The following FBXW11 variants were observed in gnomAD, a reference collection of about 807,000 sequenced individuals.
The protein encoded by FBXW11 is F-box/WD repeat-containing protein 11.
A neutral mutation model predicts 77.6 loss-of-function variants in FBXW11; 19 were observed. The observed-to-expected ratio is 0.24, with a 90% CI of 0.17 to 0.36. FBXW11 has a LOEUF of 0.36. Ranked by LOEUF, FBXW11 falls within the 10% of genes least tolerant of loss-of-function variation. The probability of loss-of-function intolerance (pLI) is 1.00; values close to 1 mark genes in which losing one functional copy is unlikely to be tolerated. For synonymous variants in FBXW11, 235 were observed against 249.4 expected (o/e 0.94, Z 0.54); for missense variants, 334 against 704.2 (o/e 0.47, Z 5.95).
Position 171,933,493 on chromosome 5 carries a change from T to C in FBXW11, c.148-19088A>G, listed in dbSNP as rs145579240. Reference sequence around the variant, plus strand: ...CAAGAATAAATCCTAATATAAGCTATGGACTTCGGGTGATAATGGTGTGTC... The same window carrying C: ...CAAGAATAAATCCTAATATAAGCTACGGACTTCGGGTGATAATGGTGTGTC... On this transcript the variant is annotated intron_variant, in intron 2 of 13. Transcript: ENST00000517395. 4.4e-4 allele frequency among the ~76,000 whole-genome samples: 67 copies of C among 152,302 alleles called. 1 individual carries two copies. In the East Asian group the frequency reaches 8.9e-3, roughly 20 times the overall value.
At chr5:171,992,222 G>A (rs1407180856) in intron 1 of FBXW11, among the ~76,000 whole-genome samples, 1 of 151,624 alleles carries the variant, frequency 6.6e-6, no homozygotes, top group Non-Finnish European at 1.5e-5. Context: ...AAGGTCAGCA[G>A]TTTCAGACCA....
rs1217118992 is a variant in FBXW11 at position 172,006,514 on chromosome 5, C to A, written c.-12G>T. On this transcript the variant is annotated 5_prime_UTR_variant, in exon 1 of 14. Coordinates refer to ENST00000517395, the MANE Select transcript of FBXW11 (RefSeq NM_001378974.1). Reference sequence around the variant, plus strand: ...GAGTCGGGCTCCATGGCGGCCCCGGCGGCCCCGCCTCGCTCTCCCCGCGCA... The same window carrying A: ...GAGTCGGGCTCCATGGCGGCCCCGGAGGCCCCGCCTCGCTCTCCCCGCGCA... 2.0e-6 allele frequency: 3 copies of A among 1,504,870 alleles called. No homozygotes were observed. Among genetic ancestry groups the A allele is most frequent in the Non-Finnish European group, 1.8e-6 (2 of 1,125,416 alleles). 93.2% of individuals were successfully genotyped at this position (1,504,870 alleles called of 1,614,324 possible). A position where few individuals can be genotyped will look rare whatever the true frequency, so the allele number is the denominator to read the frequency against.
chr5:171,894,981 T>C (rs1190017071), intron 6 of FBXW11, among the ~76,000 whole-genome samples: 1 of 152,198 alleles, frequency 6.6e-6, no homozygotes, highest in Non-Finnish European at 1.5e-5. Context: ...TCTCACAAAG[T>C]TGCCAGAAAT....
chr5:171,881,777 C>T (rs535735104), intron 7 of FBXW11, among the ~76,000 whole-genome samples: 3 of 152,154 alleles, frequency 2.0e-5, no homozygotes, highest in Non-Finnish European at 4.4e-5. Context: ...ATTCAGATTA[C>T]CTATTTGTTT....
At position 171,869,809 on chromosome 5, in the gene FBXW11, T is replaced by C; in HGVS notation, c.1452-2A>G. 6.2e-7 allele frequency: 1 copy of C among 1,602,306 alleles called. No individual in the cohort carries two copies. Among genetic ancestry groups the C allele is most frequent in the Non-Finnish European group, 8.5e-7 (1 of 1,173,370 alleles). ...TGCAAGTCCCAAACTTTAATTTTCC[T>C]AGAAAGGAAAATGAGATGTGATTAG... is the stretch of plus-strand genomic sequence containing the variant. On this transcript the variant is annotated splice_acceptor_variant, in intron 11 of 13. Coordinates refer to ENST00000517395, the MANE Select transcript of FBXW11 (RefSeq NM_001378974.1). LOFTEE classifies it high-confidence loss of function. This position sits in a 1 kb window ranked among gnomAD's most constrained non-coding sequence, Gnocchi z 4.1.
chr5:172,001,198 CATT>C (rs1332783930), intron 1 of FBXW11, among the ~76,000 whole-genome samples: 2 of 152,070 alleles, frequency 1.3e-5, no homozygotes. Context: ...GAAAATCTAA[CATT>C]AATTTAAATC....
intron 2 of FBXW11, among the ~76,000 whole-genome samples, chr5:171,925,471 T>C (rs1487883946): frequency 6.6e-6 from 1 of 152,138 alleles, no homozygotes; most frequent in Non-Finnish European, 1.5e-5. Flanking sequence ...TATGGGTTTT[T>C]GGTTTTTCGT....
Position 171,876,919 on chromosome 5 carries a change from T to C in FBXW11, c.972-385A>G, listed in dbSNP as rs540298219. 3.3e-4 allele frequency among the ~76,000 whole-genome samples: 51 copies of C among 152,306 alleles called. No homozygotes were observed. The highest frequency in any genetic ancestry group is 1.2e-3 in the African/African-American group (50 of 41,584). ...AGTAGCTCGAAGCCCTCATCAGAAG[T>C]AGATGCTGGTGCCATGCTTCTTGCA... On this transcript the variant is annotated intron_variant, in intron 8 of 13. Transcript: ENST00000517395. The surrounding 1 kb of genome is among the most constrained non-coding windows in gnomAD (Gnocchi z 4.2).
At position 171,904,286 on chromosome 5, in the gene FBXW11, CTCTG is replaced by C. The variant is rs1262543218; in HGVS notation, c.437-4190_437-4187del. Among the ~76,000 whole-genome samples, 87 of 152,178 alleles carry C rather than the reference CTCTG, an allele frequency of 5.7e-4. No individual in the cohort carries two copies. The highest frequency in any genetic ancestry group is 1.8e-3 in the African/African-American group (73 of 41,540). ...CTCTAGCCTGGGTTACAGTGCAAGA[CTCTG>C]TCTTTTTTTAAAAAAAATAAAAAAT... On this transcript the variant is annotated intron_variant, in intron 4 of 13. Coordinates refer to ENST00000517395, the MANE Select transcript of FBXW11 (RefSeq NM_001378974.1). This position sits in a 1 kb window ranked among gnomAD's most constrained non-coding sequence, Gnocchi z 4.0.
intron 7 of FBXW11, among the ~76,000 whole-genome samples, chr5:171,880,947 C>T (rs969951716): frequency 2.0e-5 from 3 of 152,164 alleles, no homozygotes; most frequent in Admixed American, 2.0e-4. Flanking sequence ...CCACCCACCT[C>T]GGCCTCCCTA....
At chr5:171,972,500 C>CTT (rs1764589902) in intron 1 of FBXW11, among the ~76,000 whole-genome samples, 1 of 7,662 alleles carries the variant, frequency 1.3e-4, no homozygotes, top group Non-Finnish European at 3.4e-4. Context: ...GACTCTGTCT[C>CTT]ATAAAAAAAA....
At chr5:171,985,038 T>A (rs1320652210) in intron 1 of FBXW11, among the ~76,000 whole-genome samples, 2 of 152,178 alleles carry the variant, frequency 1.3e-5, no homozygotes, top group Admixed American at 6.5e-5. Context: ...TACATTCATA[T>A]CAATACAAAC....
rs2113642575 is a variant in FBXW11 at position 172,006,409 on chromosome 5, C to T, written c.45+49G>A. ...CGGACGTTGAGGTGGGCAGGCCCGC[C>T]CGGGGCCGGACGGACGGAAGCACAG... On this transcript the variant is annotated intron_variant, in intron 1 of 13. Coordinates refer to ENST00000517395, the MANE Select transcript of FBXW11 (RefSeq NM_001378974.1). 2.0e-6 allele frequency: 3 copies of T among 1,502,704 alleles called. No individual in the cohort carries two copies. The East Asian group carries it at 8.1e-5, about 41-fold the overall frequency. The allele number at this position is 1,502,704 out of a possible 1,614,324, so 93.1% of individuals were successfully genotyped here. A position where few individuals can be genotyped will look rare whatever the true frequency, so the allele number is the denominator to read the frequency against.
chr5:171,954,093 C>G (rs1412354902), intron 2 of FBXW11, among the ~76,000 whole-genome samples: 2 of 152,196 alleles, frequency 1.3e-5, no homozygotes, highest in Non-Finnish European at 2.9e-5. Flanking sequence ...TCTCCCCCAG[C>G]TGAGGCTGCA....
intron 2 of FBXW11, among the ~76,000 whole-genome samples, chr5:171,941,476 TC>T (rs1762752753): frequency 6.6e-6 from 1 of 151,626 alleles, no homozygotes; most frequent in African/African-American, 2.4e-5. Flanking sequence ...AAGGAAATTA[TC>T]AGGACCTCTG....
intron 2 of FBXW11, among the ~76,000 whole-genome samples, chr5:171,926,677 C>A (rs1761908380): frequency 6.6e-6 from 1 of 152,194 alleles, no homozygotes; most frequent in Admixed American, 6.5e-5. Flanking sequence ...ATATAGCCTG[C>A]AGAACCATGA....
intron 2 of FBXW11, among the ~76,000 whole-genome samples, chr5:171,955,484 C>G (rs1213739919): frequency 6.6e-6 from 1 of 152,138 alleles, no homozygotes; most frequent in Non-Finnish European, 1.5e-5. Context: ...TCTTTGAGAG[C>G]CCAAACCCAA....
At chr5:171,881,087 C>T (rs1758473302) in intron 7 of FBXW11, among the ~76,000 whole-genome samples, 2 of 152,198 alleles carry the variant, frequency 1.3e-5, no homozygotes, top group Admixed American at 6.5e-5. Context: ...TTGTATCCGG[C>T]AAACTTGCTA....
At chr5:171,905,487 C>G (rs377071697) in intron 4 of FBXW11, among the ~76,000 whole-genome samples, 2 of 152,030 alleles carry the variant, frequency 1.3e-5, no homozygotes, top group Non-Finnish European at 2.9e-5. Context: ...TACTCTCCCC[C>G]AAATCCTCTC....
Sources: gnomAD v4.1 joint callset for allele counts (sites outside exome capture counted in the v4.1 genomes callset) on GRCh38, gnomAD v4.1.1 for gene constraint, Gnocchi (gnomAD v3.1) non-coding constraint, MANE v1.5 for transcripts, NCBI Gene and HGNC (gene_info 2026-07-23, HGNC 2026-07-21) for gene names.